SLC35F2: variants seen among roughly 807,000 people sequenced by gnomAD.
SLC35F2 encodes queuine/queuosine transporter SLC35F2.
In SLC35F2, 25 loss-of-function variants were observed where a neutral mutation model predicts 38.1. That is an observed-to-expected ratio of 0.66 (90% CI 0.48 to 0.92). The LOEUF (loss-of-function observed/expected upper bound fraction) is 0.92, where lower values mean the gene tolerates loss of function less well. SLC35F2 is among the 40% of genes least tolerant of loss of function. SLC35F2 has a pLI of 0.00. For missense variants in SLC35F2, 409 were observed against 452.9 expected (o/e 0.90, Z 0.88); for synonymous variants, 173 against 181.7 (o/e 0.95, Z 0.38).
intron 1 of SLC35F2, among the ~76,000 whole-genome samples, chr11:107,849,641 G>GAA (rs59636290): frequency 1.4e-5 from 2 of 138,588 alleles, no homozygotes; most frequent in African/African-American, 2.7e-5. Flanking sequence ...TCCGTTTTGG[G>GAA]AAAAAAAAAA....
chr11:107,827,763 A>AG (rs1859777713), intron 1 of SLC35F2, among the ~76,000 whole-genome samples: 1 of 151,098 alleles, frequency 6.6e-6, no homozygotes, highest in African/African-American at 2.4e-5. Flanking sequence ...AAAAAAAAAA[A>AG]TTAGCTGGGC....
chr11:107,853,339 G>T (rs1406665523), intron 1 of SLC35F2, among the ~76,000 whole-genome samples: 1 of 152,112 alleles, frequency 6.6e-6, no homozygotes, highest in Admixed American at 6.6e-5. Flanking sequence ...GCTTTCACTA[G>T]AGCAGGAACT....
chr11:107,853,576 C>A lies in SLC35F2; in HGVS notation c.110+5082G>T, dbSNP rs565887995. 2.0e-3 allele frequency among the ~76,000 whole-genome samples: 304 copies of A among 151,824 alleles called. 1 individual carries two copies. The highest frequency in any genetic ancestry group is 6.3e-3 in the African/African-American group (261 of 41,436). On this transcript the variant is annotated intron_variant, in intron 1 of 7. Coordinates refer to ENST00000525815, the MANE Select transcript of SLC35F2 (RefSeq NM_017515.5). ...TACTAAAAATACAAAAAAAATTAGCCGGGCGTGGTGGTGGGCGCCTGTAGT... is the reference window on the plus strand; with the variant it reads ...TACTAAAAATACAAAAAAAATTAGCAGGGCGTGGTGGTGGGCGCCTGTAGT...
chr11:107,811,645 T>C (rs778845825), intron 3 of SLC35F2, 22 bp downstream of exon 3: 105 of 1,575,498 alleles, frequency 6.7e-5, no homozygotes, highest in Non-Finnish European at 8.8e-5. Flanking sequence ...AAATCCAAAG[T>C]GGTCAGAGGG....
intron 1 of SLC35F2, among the ~76,000 whole-genome samples, chr11:107,831,017 T>G (rs1591201019): frequency 6.6e-6 from 1 of 152,174 alleles, no homozygotes; most frequent in Non-Finnish European, 1.5e-5. Flanking sequence ...GCTACCCAGG[T>G]AGGTCACAAG....
chr11:107,830,893 A>G (rs1177857313), intron 1 of SLC35F2, among the ~76,000 whole-genome samples: 1 of 152,186 alleles, frequency 6.6e-6, no homozygotes, highest in Non-Finnish European at 1.5e-5. Context: ...CTTTCAAAAC[A>G]TAAGATTCCT....
chr11:107,849,021 T>A (rs990961486), intron 1 of SLC35F2, among the ~76,000 whole-genome samples: 2 of 152,298 alleles, frequency 1.3e-5, no homozygotes, highest in South Asian at 2.1e-4. Flanking sequence ...GCTCTGGATT[T>A]TAGAAACAAA....
In SLC35F2 at chr11:107,791,439, A is replaced by G. The variant is rs973116329; in HGVS notation, c.*1176T>C. ...AGTTTTTAGAAAGGATGGCATCTACATATATATGGAGCTCTGAAAACTGTT... is the reference window on the plus strand; with the variant it reads ...AGTTTTTAGAAAGGATGGCATCTACGTATATATGGAGCTCTGAAAACTGTT... On this transcript the variant is annotated 3_prime_UTR_variant, in exon 8 of 8. Transcript: ENST00000525815. 7 of 152,174 alleles carry G rather than the reference A, an allele frequency of 4.6e-5. No individual in the cohort carries two copies. The South Asian group carries it at 8.3e-4, about 18-fold the overall frequency. The allele number at this position is 152,174 out of a possible 1,614,324, so 9.4% of individuals were successfully genotyped here.
intron 1 of SLC35F2, among the ~76,000 whole-genome samples, chr11:107,832,913 C>G (rs898459437): frequency 6.6e-6 from 1 of 152,192 alleles, no homozygotes; most frequent in African/African-American, 2.4e-5. Context: ...ATCCTTGTGG[C>G]TAATTTGGAT....
At chr11:107,842,257 C>CA (rs541185009) in intron 1 of SLC35F2, among the ~76,000 whole-genome samples, 436 of 37,880 alleles carry the variant, frequency 0.012, 92 homozygotes, top group African/African-American at 0.044. Context: ...CTCCGTCTCA[C>CA]AAAAAAAAAA....
At chr11:107,794,463 G>C (rs1859186435) in intron 7 of SLC35F2, among the ~76,000 whole-genome samples, 1 of 152,172 alleles carries the variant, frequency 6.6e-6, no homozygotes, top group African/African-American at 2.4e-5. Context: ...AAAAATTAGA[G>C]AAACTATGTA....
At chr11:107,842,999 A>G (rs1355457484) in intron 1 of SLC35F2, among the ~76,000 whole-genome samples, 1 of 152,206 alleles carries the variant, frequency 6.6e-6, no homozygotes, top group Non-Finnish European at 1.5e-5. Flanking sequence ...TGTATACAGC[A>G]TCAGCACCTG....
At chr11:107,803,379 G>A in intron 6 of SLC35F2, 6 of 985,296 alleles carry the variant, frequency 6.1e-6, no homozygotes, top group Non-Finnish European at 7.2e-6. Context: ...ATCCAACAAG[G>A]TATTGGATGA....
At position 107,806,873 on chromosome 11, in the gene SLC35F2, A is replaced by C. The variant is rs2134777301; in HGVS notation, c.418T>G (p.Leu140Val). The C allele has an allele frequency of 1.2e-6, 2 of 1,612,938 alleles. No individual in the cohort carries two copies. The highest frequency in any genetic ancestry group is 1.7e-5 in the Admixed American group (1 of 59,926). Residue 140 changes from leucine to valine, a missense_variant, in exon 4 of 8, where the codon TTG (leucine) becomes GTG (valine). Physicochemically the swap from Leu to Val is conservative, Grantham distance 32. Coordinates refer to ENST00000525815, the MANE Select transcript of SLC35F2 (RefSeq NM_017515.5). ...QYTTLTSVQL[L>V]DCFGIPVLMA... ...AACACAGGAATCCCAAAGCAATCCA[A>C]AAGCTGCATGGAAAGAGAATCAACA...
chr11:107,858,411 A>G (rs1376020359), intron 1 of SLC35F2: 1 of 357,722 alleles, frequency 2.8e-6, no homozygotes, highest in East Asian at 4.2e-5. Context: ...TTTCCCCCCA[A>G]ATCCTCCAAA....
chr11:107,824,061 G>C lies in SLC35F2; in HGVS notation c.111-8096C>G, dbSNP rs1465322130. On this transcript the variant is annotated intron_variant, in intron 1 of 7. Coordinates refer to ENST00000525815, the MANE Select transcript of SLC35F2 (RefSeq NM_017515.5). ...ACGATTCAAAAGTTTAGCCATCAATGTATCATCTAATTCTAGTAAGCATGA... is the reference window on the plus strand; with the variant it reads ...ACGATTCAAAAGTTTAGCCATCAATCTATCATCTAATTCTAGTAAGCATGA... 5 of 926,984 alleles carry C rather than the reference G, an allele frequency of 5.4e-6. No homozygotes were observed. In the East Asian group the frequency reaches 4.7e-4, roughly 87 times the overall value. The allele number at this position is 926,984 out of a possible 1,614,324, so 57.4% of individuals were successfully genotyped here.
chr11:107,850,816 A>G (rs1860169484), intron 1 of SLC35F2, among the ~76,000 whole-genome samples: 1 of 146,166 alleles, frequency 6.8e-6, no homozygotes, highest in South Asian at 2.1e-4. Context: ...TCCGTCTCCA[A>G]AAAAAAAAAA....
chr11:107,799,045 C>T (rs1324103330), intron 7 of SLC35F2, among the ~76,000 whole-genome samples: 1 of 152,190 alleles, frequency 6.6e-6, no homozygotes, highest in South Asian at 2.1e-4. Context: ...CACTGCACTC[C>T]AGCCTGGGTG....
intron 1 of SLC35F2, among the ~76,000 whole-genome samples, chr11:107,850,736 C>T (rs921473524): frequency 4.7e-5 from 7 of 149,814 alleles, no homozygotes; most frequent in Admixed American, 1.3e-4. Flanking sequence ...GCAAGAGATT[C>T]GTTTGAACCA....
Sources: gnomAD v4.1 joint callset for allele counts (sites outside exome capture counted in the v4.1 genomes callset) on GRCh38, gnomAD v4.1.1 for gene constraint, MANE v1.5 for transcripts, NCBI Gene and HGNC (gene_info 2026-07-23, HGNC 2026-07-21) for gene names.